Variants in HEG1 observed in about 807,000 individuals in gnomAD.
The protein encoded by HEG1 is heart development protein with EGF like domains 1, also known as protein HEG homolog 1.
HEG1 carries 56 observed loss-of-function variants against 125.6 expected under a neutral mutation model. The observed-to-expected ratio is 0.45, with a 90% CI of 0.36 to 0.56. HEG1 has a LOEUF of 0.56. Ranked by LOEUF, HEG1 falls within the 20% of genes least tolerant of loss-of-function variation. The pLI is 0.00. For missense variants in HEG1, 1,523 were observed against 1,670.0 expected, an observed-to-expected ratio of 0.91 and a Z score of 1.53; for synonymous variants, 644 against 668.5, an observed-to-expected ratio of 0.96 and a Z score of 0.57.
In HEG1 at chr3:125,055,932, G is replaced by T; in HGVS notation, c.-42C>A. 1 of 610,400 alleles carries T rather than the reference G, an allele frequency of 1.6e-6. No individual in the cohort carries two copies. The highest frequency in any genetic ancestry group is 1.9e-6 in the Non-Finnish European group (1 of 514,492). 37.8% of individuals were successfully genotyped at this position (610,400 alleles called of 1,614,324 possible). ...CGCGCTCACATGCCCGGCGCGCGGGGCGAGGGCAGCGGGCAGCGGGCAGCG... is the reference window on the plus strand; with the variant it reads ...CGCGCTCACATGCCCGGCGCGCGGGTCGAGGGCAGCGGGCAGCGGGCAGCG... On this transcript the variant is annotated 5_prime_UTR_variant, in exon 1 of 17. Transcript: ENST00000311127.
intron 12 of HEG1, among the ~76,000 whole-genome samples, chr3:124,995,757 T>C (rs997742719): frequency 8.5e-5 from 13 of 152,234 alleles, no homozygotes; most frequent in Non-Finnish European, 1.6e-4. Flanking sequence ...CAAGGTTTCC[T>C]TATGCTGCTT....
chr3:124,982,589 A>T (rs1480666308), intron 14 of HEG1, among the ~76,000 whole-genome samples: 1 of 152,200 alleles, frequency 6.6e-6, no homozygotes, highest in Non-Finnish European at 1.5e-5. Flanking sequence ...ACAGCTTGAC[A>T]TTGCTGTCAT....
chr3:124,977,865 C>T lies in HEG1; in HGVS notation c.3815G>A (p.Cys1272Tyr), dbSNP rs1936573529. The change falls in exon 15 of 17, where the codon TGT (cysteine) becomes TAT (tyrosine). Residue 1272 changes from cysteine to tyrosine, a missense_variant. By Grantham distance (194) the Cys-to-Tyr change is radical. Transcript: ENST00000311127. The stretch of plus-strand genomic sequence containing the variant: ...CTGAACTCTCATCACTTACCTGCAA[C>T]AGGTAACAATCAGTGCGATGCCTAG... ...LILGIALIVT[C>Y]CRKNKNDISK... The T allele has an allele frequency of 2.6e-6, 4 of 1,566,282 alleles. No individual in the cohort carries two copies. The highest frequency in any genetic ancestry group is 3.5e-6 in the Non-Finnish European group (4 of 1,154,862).
In HEG1 at chr3:125,016,145, A is replaced by C. The variant is rs192226846; in HGVS notation, c.1589-2155T>G. 1.0e-3 allele frequency among the ~76,000 whole-genome samples: 157 copies of C among 152,298 alleles called. 1 individual carries two copies. Among genetic ancestry groups the C allele is most frequent in the East Asian group, 9.6e-4 (5 of 5,184 alleles). On this transcript the variant is annotated intron_variant, in intron 5 of 16. Transcript: ENST00000311127. ...TGGGGAGATCCTAAACTCTCTGTTA[A>C]ATGAAATTTAGGCCAATGACCACAT...
rs1420118382 is a variant in HEG1 at position 124,968,974 on chromosome 3, G to A, written c.*1678C>T. 2 of 152,240 alleles carry A rather than the reference G, an allele frequency of 1.3e-5. No individual in the cohort carries two copies. The highest frequency in any genetic ancestry group is 2.9e-5 in the Non-Finnish European group (2 of 68,052). The allele number at this position is 152,240 out of a possible 1,614,324, so 9.4% of individuals were successfully genotyped here. The stretch of plus-strand genomic sequence containing the variant: ...ACTAGGACTCTTGCTACAGCAGGGT[G>A]ATGGTGAGTGGTGGAGACCATGGGA... On this transcript the variant is annotated 3_prime_UTR_variant, in exon 17 of 17. Coordinates refer to ENST00000311127, the MANE Select transcript of HEG1 (RefSeq NM_020733.2).
At chr3:124,973,099 G>C (rs1398235475) in intron 16 of HEG1, among the ~76,000 whole-genome samples, 2 of 151,884 alleles carry the variant, frequency 1.3e-5, no homozygotes, top group Non-Finnish European at 2.9e-5. Context: ...TTGGCTCACT[G>C]CAACCTCTGC....
At chr3:125,023,927 G>A (rs191339897) in intron 3 of HEG1, among the ~76,000 whole-genome samples, 1 of 152,172 alleles carries the variant, frequency 6.6e-6, no homozygotes, top group East Asian at 1.9e-4. Context: ...GCTCAACCTT[G>A]ACCTGACTGC....
At chr3:124,991,121 C>T (rs1560018573) in intron 12 of HEG1, 135 bp from the exon 13 acceptor site, 1 of 671,322 alleles carries the variant, frequency 1.5e-6, no homozygotes, top group Non-Finnish European at 2.6e-6. Context: ...TGGAATGATC[C>T]TCACTTAAAT....
intron 14 of HEG1, among the ~76,000 whole-genome samples, chr3:124,986,889 T>A (rs1936748138): frequency 6.6e-6 from 1 of 152,148 alleles, no homozygotes; most frequent in Admixed American, 6.5e-5. Flanking sequence ...TCCCCAAACA[T>A]GTATAGTACT....
chr3:125,054,435 T>C (rs1048580244), intron 1 of HEG1, among the ~76,000 whole-genome samples: 3 of 152,246 alleles, frequency 2.0e-5, no homozygotes, highest in Non-Finnish European at 2.9e-5. Context: ...CCAAACTTTT[T>C]CTTATTTAAC....
rs112880694 is a variant in HEG1, at chr3:124,970,331, T to C, written c.*321A>G. 7.9e-4 allele frequency: 189 copies of C among 239,536 alleles called. No homozygotes were observed. The highest frequency in any genetic ancestry group is 4.1e-3 in the African/African-American group (182 of 44,662). The allele number at this position is 239,536 out of a possible 1,614,324, so 14.8% of individuals were successfully genotyped here. ...AAGTGCAAACGAAGGGAAAACCAGGTCCCTGCACTGAAGTCTAGTGGTCTG... is the reference window on the plus strand; with the variant it reads ...AAGTGCAAACGAAGGGAAAACCAGGCCCCTGCACTGAAGTCTAGTGGTCTG... On this transcript the variant is annotated 3_prime_UTR_variant, in exon 17 of 17. Transcript: ENST00000311127.
chr3:125,003,718 C>T (rs950359273), intron 9 of HEG1, among the ~76,000 whole-genome samples: 2 of 152,132 alleles, frequency 1.3e-5, no homozygotes, highest in East Asian at 1.9e-4. Flanking sequence ...GGAGAGCTTC[C>T]GTGGTTGGCA....
At chr3:124,983,959 C>T (rs1302637067) in intron 14 of HEG1, among the ~76,000 whole-genome samples, 1 of 152,150 alleles carries the variant, frequency 6.6e-6, no homozygotes, top group Non-Finnish European at 1.5e-5. Flanking sequence ...AAAATGACTG[C>T]TTTTAGCTGA....
chr3:125,027,734 G>A (rs777486938), intron 2 of HEG1, among the ~76,000 whole-genome samples: 1 of 152,116 alleles, frequency 6.6e-6, no homozygotes, highest in African/African-American at 2.4e-5. Flanking sequence ...CTCAGAAAAG[G>A]AGCTCACTGG....
chr3:124,985,589 G>A (rs6770906), intron 14 of HEG1, among the ~76,000 whole-genome samples: 50,229 of 151,854 alleles, frequency 0.33, 8,801 homozygotes, highest in East Asian at 0.48. Context: ...GGGGCCATCT[G>A]GCAAATGGGA....
At chr3:125,041,496 G>C (rs988345953) in intron 1 of HEG1, among the ~76,000 whole-genome samples, 1 of 152,228 alleles carries the variant, frequency 6.6e-6, no homozygotes, top group Non-Finnish European at 1.5e-5. Flanking sequence ...CTCCCGCAGT[G>C]CTGGTGGGAA....
At chr3:124,976,953 T>C (rs1936555454) in intron 15 of HEG1, among the ~76,000 whole-genome samples, 1 of 152,166 alleles carries the variant, frequency 6.6e-6, no homozygotes, top group South Asian at 2.1e-4. Flanking sequence ...AACTACCCAT[T>C]GATATGGTTC....
intron 1 of HEG1, among the ~76,000 whole-genome samples, chr3:125,050,302 C>A (rs566181912): frequency 6.6e-6 from 1 of 152,138 alleles, no homozygotes; most frequent in African/African-American, 2.4e-5. Context: ...TGCCACCATG[C>A]CCAGCTAATT....
At chr3:124,995,311 A>T (rs1936904083) in intron 12 of HEG1, among the ~76,000 whole-genome samples, 1 of 152,174 alleles carries the variant, frequency 6.6e-6, no homozygotes, top group Admixed American at 6.5e-5. Flanking sequence ...AAAAGAAAAA[A>T]AAAAAAGAAT....
Sources: allele counts gnomAD v4.1 joint callset (sites outside exome capture counted in the v4.1 genomes callset), GRCh38; gene constraint gnomAD v4.1.1; transcripts MANE v1.5; gene names NCBI Gene and HGNC (gene_info 2026-07-23, HGNC 2026-07-21).